BBS9: variants seen among roughly 807,000 people sequenced by gnomAD.
The protein encoded by BBS9 is protein PTHB1.
A neutral mutation model predicts 117.7 loss-of-function variants in BBS9; 89 were observed. That is an observed-to-expected ratio of 0.76 (90% CI 0.64 to 0.90). BBS9 has a LOEUF of 0.90. Among genes scored for constraint, BBS9 ranks in the 40% least tolerant of loss-of-function variants. The probability of loss-of-function intolerance (pLI) is 0.00; values close to 1 mark genes in which losing one functional copy is unlikely to be tolerated. For missense variants in BBS9, 982 were observed against 1,042.2 expected (o/e 0.94, Z 0.80); for synonymous variants, 379 against 370.9 (o/e 1.02, Z -0.25).
intron 19 of BBS9, among the ~76,000 whole-genome samples, chr7:33,434,407 C>T (rs1371420050): frequency 2.6e-5 from 4 of 151,850 alleles, no homozygotes; most frequent in Admixed American, 2.6e-4. Flanking sequence ...GATTGCTAAA[C>T]AACCAAAGCA....
intron 21 of BBS9, among the ~76,000 whole-genome samples, chr7:33,592,516 T>C (rs1328313163): frequency 1.3e-5 from 2 of 152,094 alleles, no homozygotes; most frequent in Non-Finnish European, 2.9e-5. Flanking sequence ...AACAAATATA[T>C]CGCTAGATAG....
intron 5 of BBS9, among the ~76,000 whole-genome samples, chr7:33,201,376 A>T (rs950648599): frequency 5.3e-5 from 8 of 150,590 alleles, no homozygotes; most frequent in African/African-American, 2.0e-4. Context: ...TTTATTGTTA[A>T]TTTTTTTTTC....
intron 19 of BBS9, among the ~76,000 whole-genome samples, chr7:33,421,322 A>AGTGCAATTAAATG (rs1359511798): frequency 6.6e-6 from 1 of 152,092 alleles, no homozygotes; most frequent in Non-Finnish European, 1.5e-5. Context: ...GTCGTGAGGG[A>AGTGCAATTAAATG]GTGCAAAACA....
At chr7:33,546,214 T>C (rs1378127647) in intron 21 of BBS9, among the ~76,000 whole-genome samples, 1 of 152,084 alleles carries the variant, frequency 6.6e-6, no homozygotes, top group Admixed American at 6.6e-5. Flanking sequence ...ATTACAGGGG[T>C]GAGCCACTGC....
downstream of BBS9, among the ~76,000 whole-genome samples, chr7:33,607,467 A>G (rs890462584): frequency 7.2e-5 from 11 of 152,130 alleles, no homozygotes; most frequent in African/African-American, 2.4e-4. Flanking sequence ...CTAATACAAC[A>G]TTAGTTACAA....
chr7:33,600,015 A>G (rs1484291370), intron 21 of BBS9, among the ~76,000 whole-genome samples: 1 of 152,196 alleles, frequency 6.6e-6, no homozygotes, highest in African/African-American at 2.4e-5. Context: ...GGGAAAGCCC[A>G]TTTTGTTGCC....
intron 2 of BBS9, among the ~76,000 whole-genome samples, chr7:33,151,850 C>CTTTTTTT (rs11346140): frequency 6.1e-5 from 5 of 82,338 alleles, no homozygotes; most frequent in Non-Finnish European, 1.2e-4. Flanking sequence ...TGCACCCAGC[C>CTTTTTTT]TTTTTTTTTT....
intron 21 of BBS9, among the ~76,000 whole-genome samples, chr7:33,634,347 G>A (rs1866042813): frequency 6.6e-6 from 1 of 152,236 alleles, no homozygotes; most frequent in African/African-American, 2.4e-5. Context: ...TCTGCAGTGG[G>A]CAGCCTGAGG....
chr7:33,225,305 C>T (rs1422108688), intron 5 of BBS9, among the ~76,000 whole-genome samples: 3 of 152,128 alleles, frequency 2.0e-5, no homozygotes, highest in Non-Finnish European at 4.4e-5. Flanking sequence ...TGAAGTGATC[C>T]TCCCGCCTCA....
chr7:33,578,977 A>G (rs1859420664), intron 21 of BBS9, among the ~76,000 whole-genome samples: 2 of 152,314 alleles, frequency 1.3e-5, no homozygotes, highest in Non-Finnish European at 2.9e-5. Context: ...CCTGTGTTCA[A>G]AGAAGCGCAT....
At chr7:33,344,526 C>A in intron 11 of BBS9, 55 bp from the exon 12 acceptor site, 1 of 1,475,536 alleles carries the variant, frequency 6.8e-7, no homozygotes, top group Non-Finnish European at 9.5e-7. Context: ...TGTTCACTCA[C>A]TGCTGTGTAA....
intron 9 of BBS9, among the ~76,000 whole-genome samples, chr7:33,280,911 G>GATTTTGTTTTTTTT (rs1801727630): frequency 1.3e-5 from 1 of 79,392 alleles, no homozygotes; most frequent in African/African-American, 6.0e-5. Flanking sequence ...TGTCGTTTTT[G>GATTTTGTTTTTTTT]TTTTTTTTTT....
At chr7:33,470,509 T>C (rs1840854741) in intron 19 of BBS9, among the ~76,000 whole-genome samples, 1 of 152,188 alleles carries the variant, frequency 6.6e-6, no homozygotes, top group Admixed American at 6.5e-5. Context: ...TTGTAGATTA[T>C]CCTCCAATTT....
chr7:33,268,233 A>C (rs1222616376), intron 7 of BBS9, among the ~76,000 whole-genome samples: 2 of 152,178 alleles, frequency 1.3e-5, no homozygotes, highest in African/African-American at 4.8e-5. Flanking sequence ...TCCTTACAAT[A>C]ATTTGCCAGT....
intron 19 of BBS9, among the ~76,000 whole-genome samples, chr7:33,397,448 C>T (rs1828172346): frequency 6.6e-6 from 1 of 152,096 alleles, no homozygotes; most frequent in African/African-American, 2.4e-5. Context: ...TACCATTTGA[C>T]CGAGCAATCC....
At chr7:33,454,986 G>C (rs547766731) in intron 19 of BBS9, among the ~76,000 whole-genome samples, 84 of 152,284 alleles carry the variant, frequency 5.5e-4, no homozygotes, top group Non-Finnish European at 9.8e-4. Flanking sequence ...AAGACCACTG[G>C]CAAGTGACAA....
chr7:33,619,380 G>T (rs1865296251), intron 21 of BBS9, among the ~76,000 whole-genome samples: 1 of 152,038 alleles, frequency 6.6e-6, no homozygotes, highest in Admixed American at 6.6e-5. Flanking sequence ...AGAACTGAAG[G>T]ATGAAACAAA....
intron 19 of BBS9, among the ~76,000 whole-genome samples, chr7:33,487,010 A>G (rs917994807): frequency 2.0e-5 from 3 of 152,166 alleles, no homozygotes; most frequent in African/African-American, 7.2e-5. Context: ...TGAACTAATG[A>G]TGTTTTATTT....
chr7:33,368,029 A>G (rs1822126083), intron 17 of BBS9, among the ~76,000 whole-genome samples, 167 bp downstream of exon 17: 1 of 152,200 alleles, frequency 6.6e-6, no homozygotes, highest in Admixed American at 6.5e-5. Flanking sequence ...TGAAGTGAGG[A>G]TTGTGTTTTA....
Sources: allele counts gnomAD v4.1 joint callset (sites outside exome capture counted in the v4.1 genomes callset), GRCh38; gene constraint gnomAD v4.1.1; transcripts MANE v1.5; gene names NCBI Gene and HGNC (gene_info 2026-07-23, HGNC 2026-07-21).